Variants in SETD2 observed in about 807,000 individuals in gnomAD.
SETD2 encodes SET domain containing 2, histone lysine methyltransferase, also known as histone-lysine N-methyltransferase SETD2.
A neutral mutation model predicts 242.1 loss-of-function variants in SETD2; 31 were observed. The ratio of observed to expected loss-of-function variants is 0.13; its 90% CI spans 0.10 to 0.17. The LOEUF (loss-of-function observed/expected upper bound fraction) is 0.17, where lower values mean the gene tolerates loss of function less well. Ranked by LOEUF, SETD2 falls within the 10% of genes least tolerant of loss-of-function variation. The pLI is 1.00. For missense variants in SETD2, 2,481 were observed against 3,046.3 expected, an observed-to-expected ratio of 0.81 and a Z score of 4.37; for synonymous variants, 1,006 against 1,066.5, an observed-to-expected ratio of 0.94 and a Z score of 1.11.
Position 47,056,800 on chromosome 3 carries a change from A to G in SETD2, c.6963+21T>C, listed in dbSNP as rs544254589. 22 of 1,600,326 alleles carry G rather than the reference A, an allele frequency of 1.4e-5. No homozygotes were observed. The South Asian group carries it at 2.0e-4, about 14-fold the overall frequency. ...ATGAACAGACCATAAAGCAGAAAAG[A>G]AAAGTTTCAGAATTAGTTACCTGTA... On this transcript the variant is annotated intron_variant, in intron 15 of 20. Transcript: ENST00000409792.
intron 1 of SETD2, chr3:47,138,303 T>C (rs2043641418): frequency 3.3e-6 from 1 of 303,148 alleles, no homozygotes; most frequent in Non-Finnish European, 6.9e-6. Context: ...CAAGTCTCAC[T>C]CTGTCGCCCA....
intron 1 of SETD2, among the ~76,000 whole-genome samples, chr3:47,129,309 T>C (rs959052888): frequency 6.6e-6 from 1 of 152,214 alleles, no homozygotes; most frequent in African/African-American, 2.4e-5. Context: ...TTAGTGTTAA[T>C]AGATAAAAAT....
rs13063578 is a variant in SETD2, at chr3:47,046,347, T to A, written c.7098+140A>T. The A allele has an allele frequency of 0.32, 169,618 of 527,246 alleles. 25,467 individuals carry two copies. The highest frequency in any genetic ancestry group is 0.61 in the African/African-American group (28,001 of 45,572). 32.7% of individuals were successfully genotyped at this position (527,246 alleles called of 1,614,324 possible). A position where few individuals can be genotyped will look rare whatever the true frequency, so the allele number is the denominator to read the frequency against. On this transcript the variant is annotated intron_variant, in intron 16 of 20. Transcript: ENST00000409792. ...GCGAGACTCTGTCTCAAAAAAAAAA[T>A]AAAATAAAATAAAATAAAACAAAGA... is the stretch of plus-strand genomic sequence containing the variant.
At position 47,123,932 on chromosome 3, in the gene SETD2, A is replaced by G. The variant is rs1464806533; in HGVS notation, c.704T>C (p.Val235Ala). The G allele has an allele frequency of 1.3e-6, 2 of 1,551,846 alleles. No homozygotes were observed. The highest frequency in any genetic ancestry group is 1.7e-6 in the Non-Finnish European group (2 of 1,146,788). ...APVPLPVDVA[V>A]RSLKEPPIII... ...AATTGGTGGTTCTTTCAGAGATCTA[A>G]CTGCTACATCTACTGGTAAGGGTAC... Residue 235 changes from valine (V) to alanine (A), a missense_variant, in exon 3 of 21, where the codon GTT (valine) becomes GCT (alanine). This residue lies in a region of SETD2 where 334 missense variants were observed against 374.5 expected (regional missense o/e 0.89). Transcript: ENST00000409792.
intron 1 of SETD2, among the ~76,000 whole-genome samples, chr3:47,154,497 C>A (rs184736843): frequency 6.6e-6 from 1 of 151,960 alleles, no homozygotes; most frequent in Non-Finnish European, 1.5e-5. Context: ...AAAATACATA[C>A]AGTAATATGA....
At chr3:47,051,400 T>C (rs1422435854) in intron 15 of SETD2, among the ~76,000 whole-genome samples, 2 of 152,166 alleles carry the variant, frequency 1.3e-5, no homozygotes, top group Non-Finnish European at 2.9e-5. Flanking sequence ...CCACCATGCC[T>C]GGCCAGTCTC....
chr3:47,033,686 A>T (rs1377426483), intron 18 of SETD2, among the ~76,000 whole-genome samples: 3 of 118,724 alleles, frequency 2.5e-5, no homozygotes, highest in Non-Finnish European at 5.0e-5. Context: ...TTTGAGACAG[A>T]GTCTCGCTCT....
At chr3:47,072,484 A>C (rs2040867460) in intron 12 of SETD2, among the ~76,000 whole-genome samples, 1 of 152,026 alleles carries the variant, frequency 6.6e-6, no homozygotes, top group Non-Finnish European at 1.5e-5. Flanking sequence ...TTTTTTCCTA[A>C]ATATTTTCCT....
intron 1 of SETD2, among the ~76,000 whole-genome samples, chr3:47,148,051 T>C (rs949040116): frequency 6.6e-6 from 1 of 152,156 alleles, no homozygotes; most frequent in African/African-American, 2.4e-5. Context: ...AAATATATTT[T>C]AGTAAACCTA....
At position 47,042,622 on chromosome 3, in the gene SETD2, G is replaced by A. The variant is rs1249234668; in HGVS notation, c.7177C>T (p.Pro2393Ser). Residue 2393 changes from proline to serine, a missense_variant, in exon 17 of 21, where the codon CCC becomes TCC. Physicochemically the swap from Pro to Ser is moderately conservative, Grantham distance 74 (BLOSUM62 -1). Coordinates refer to ENST00000409792, the MANE Select transcript of SETD2 (RefSeq NM_014159.7). Reference protein sequence around the residue: ...PPKPKTIVLPPNWKTARDPEG... With the variant: ...PPKPKTIVLPSNWKTARDPEG... ...GGATCTCGAGCTGTCTTCCAGTTGG[G>A]AGGTAAGACAATGGTTTTTGGTTTG... 1 of 1,613,764 alleles carries A rather than the reference G, an allele frequency of 6.2e-7. No individual in the cohort carries two copies. The highest frequency in any genetic ancestry group is 8.5e-7 in the Non-Finnish European group (1 of 1,179,786).
chr3:47,147,502 T>C (rs2043885095), intron 1 of SETD2, among the ~76,000 whole-genome samples: 1 of 150,190 alleles, frequency 6.7e-6, no homozygotes, highest in Non-Finnish European at 1.5e-5. Context: ...GTTGTATTTT[T>C]AGTAGAGACA....
chr3:47,069,083 G>A (rs1029986269), intron 12 of SETD2, among the ~76,000 whole-genome samples: 2 of 152,140 alleles, frequency 1.3e-5, no homozygotes, highest in African/African-American at 2.4e-5. Flanking sequence ...GTGAGCCACC[G>A]CACCCGGCCC....
intron 18 of SETD2, among the ~76,000 whole-genome samples, chr3:47,027,625 G>C (rs2038555598): frequency 1.3e-5 from 2 of 152,038 alleles, no homozygotes. Flanking sequence ...AAATGGGTAT[G>C]AGAGGTCTTA....
chr3:47,086,758 C>G lies in SETD2; in HGVS notation c.5278-444G>C, dbSNP rs567595408. On this transcript the variant is annotated intron_variant, in intron 10 of 20. Transcript: ENST00000409792. ...TTTTTTAATCATCATGGTTTTTTTA[C>G]ACTGTGGCTTACAACTACAATCTCA... is the stretch of plus-strand genomic sequence containing the variant. Among the ~76,000 whole-genome samples the G allele has an allele frequency of 4.0e-5, 6 of 150,730 alleles. No homozygotes were observed. In the South Asian group the frequency reaches 1.3e-3, roughly 32 times the overall value.
At chr3:47,124,581 C>A (rs761062065) in intron 2 of SETD2, 33 bp from the exon 3 acceptor site, 77 of 1,491,594 alleles carry the variant, frequency 5.2e-5, no homozygotes, top group Non-Finnish European at 4.0e-5. Flanking sequence ...ATTACTACTA[C>A]AATAAATAGT....
At chr3:47,039,337 C>G (rs1177479679) in intron 17 of SETD2, among the ~76,000 whole-genome samples, 3 of 151,874 alleles carry the variant, frequency 2.0e-5, no homozygotes, top group Non-Finnish European at 4.4e-5. Context: ...GCCTCAGCCT[C>G]CTGAGTAGCT....
In SETD2 at chr3:47,084,178, C is replaced by T; in HGVS notation, c.5602G>A (p.Ala1868Thr). 1.2e-6 allele frequency: 2 copies of T among 1,614,104 alleles called. No homozygotes were observed. The highest frequency in any genetic ancestry group is 1.7e-6 in the Non-Finnish European group (2 of 1,180,010). ...PDPSTKLSTE[A>T]DTDTPKKLMF... is the part of the protein sequence containing the mutation. ...AGTTTCTTGGGAGTGTCTGTGTCAG[C>T]TTCTGTGCTCAGCTTGGTGGAAGGA... The change falls in exon 12 of 21, where the codon GCT becomes ACT. Residue 1868 changes from alanine to threonine, a missense_variant. Around this residue, in one of 17 missense-constraint regions of SETD2, gnomAD observed 203 missense variants for 222.4 expected, o/e 0.91. Coordinates refer to ENST00000409792, the MANE Select transcript of SETD2 (RefSeq NM_014159.7).
At chr3:47,087,207 A>G (rs1190595063) in intron 10 of SETD2, among the ~76,000 whole-genome samples, 2 of 148,392 alleles carry the variant, frequency 1.3e-5, no homozygotes, top group Non-Finnish European at 1.5e-5. Context: ...ATGAATTATT[A>G]CAAAAAAAAA....
rs1049760766 is a variant in SETD2, at chr3:47,080,293, T to C, written c.6060+3427A>G. ...TCAACTTATCACATGTAGGTAATTT[T>C]GTCCCTAAATCATCTAAATCCAGAT... On this transcript the variant is annotated intron_variant, in intron 12 of 20. Transcript: ENST00000409792. Among the ~76,000 whole-genome samples, 4 of 152,232 alleles carry C rather than the reference T, an allele frequency of 2.6e-5. No individual in the cohort carries two copies. The South Asian group carries it at 8.3e-4, about 31-fold the overall frequency.
Sources: gnomAD v4.1 joint callset for allele counts (sites outside exome capture counted in the v4.1 genomes callset) on GRCh38, gnomAD v4.1.1 for gene constraint, gnomAD v4.1.1 regional missense constraint, MANE v1.5 for transcripts, NCBI Gene and HGNC (gene_info 2026-07-23, HGNC 2026-07-21) for gene names.